Variants in EXOC6 observed in about 807,000 individuals in gnomAD.
EXOC6 encodes the protein exocyst complex component 6.
Under a neutral mutation model 112.5 loss-of-function variants are expected in EXOC6, and 60 were observed. The ratio of observed to expected loss-of-function variants is 0.53; its 90% CI spans 0.43 to 0.66. The LOEUF is 0.66. EXOC6 is among the 30% of genes least tolerant of loss of function. EXOC6 has a pLI of 0.00. For synonymous variants in EXOC6, 295 were observed against 308.0 expected (o/e 0.96, Z 0.44); for missense variants, 855 against 957.1 (o/e 0.89, Z 1.41).
At chr10:92,989,239 T>A (rs1287309177) in intron 18 of EXOC6, among the ~76,000 whole-genome samples, 1 of 152,198 alleles carries the variant, frequency 6.6e-6, no homozygotes, top group Non-Finnish European at 1.5e-5. Context: ...ATGGACAACA[T>A]GAAGGTCATT....
At chr10:92,947,599 A>G in intron 13 of EXOC6, among the ~76,000 whole-genome samples, 1 of 152,204 alleles carries the variant, frequency 6.6e-6, no homozygotes, top group Non-Finnish European at 1.5e-5. Context: ...ACAGCTTGAG[A>G]ATTATTCCTA....
chr10:92,886,586 T>A (rs1469698441), intron 1 of EXOC6, among the ~76,000 whole-genome samples: 4 of 152,240 alleles, frequency 2.6e-5, no homozygotes. Flanking sequence ...ATATAGTAGT[T>A]CAGAGCACTG....
At chr10:93,018,252 T>C (rs1844632298) in intron 20 of EXOC6, among the ~76,000 whole-genome samples, 4 of 152,118 alleles carry the variant, frequency 2.6e-5, no homozygotes, top group Admixed American at 2.6e-4. Flanking sequence ...GGATATTAGA[T>C]ATTTGGTATT....
At chr10:92,902,429 A>G (rs768069617) in intron 5 of EXOC6, among the ~76,000 whole-genome samples, 22 of 150,990 alleles carry the variant, frequency 1.5e-4, no homozygotes, top group Non-Finnish European at 2.7e-4. Flanking sequence ...TCTTTTTTCT[A>G]TGAGATTATT....
At chr10:92,960,427 A>C (rs1477542631) in intron 17 of EXOC6, among the ~76,000 whole-genome samples, 2 of 152,126 alleles carry the variant, frequency 1.3e-5, no homozygotes, top group Non-Finnish European at 2.9e-5. Flanking sequence ...AAAGTATGTA[A>C]TTGTGTATAC....
At chr10:92,863,992 G>T (rs776178515) in intron 1 of EXOC6, among the ~76,000 whole-genome samples, 4 of 150,860 alleles carry the variant, frequency 2.7e-5, no homozygotes, top group Non-Finnish European at 5.9e-5. Flanking sequence ...GGTGGTGCTG[G>T]TTATCTATTT....
At chr10:92,986,991 G>A (rs1843035870) in intron 18 of EXOC6, among the ~76,000 whole-genome samples, 1 of 152,054 alleles carries the variant, frequency 6.6e-6, no homozygotes, top group South Asian at 2.1e-4. Flanking sequence ...AATTTAGTGT[G>A]CCGTCTTTCC....
intron 19 of EXOC6, among the ~76,000 whole-genome samples, chr10:93,012,871 A>G (rs185087089): frequency 2.0e-4 from 31 of 152,182 alleles, no homozygotes; most frequent in Admixed American, 1.2e-3. Flanking sequence ...TCTCTACCAA[A>G]AAAACCCCCA....
At chr10:92,950,647 A>G (rs1479941086) in intron 14 of EXOC6, among the ~76,000 whole-genome samples, 1 of 152,222 alleles carries the variant, frequency 6.6e-6, no homozygotes, top group African/African-American at 2.4e-5. Flanking sequence ...ATGAAGTACA[A>G]GAGATGAAGC....
At chr10:92,847,835 CTTTT>C (rs3078184), upstream of EXOC6, among the ~76,000 whole-genome samples, 55 of 93,664 alleles carry the variant, frequency 5.9e-4, no homozygotes, top group African/African-American at 1.6e-3. Flanking sequence ...CGCCCTGGGC[CTTTT>C]TTTTTTTTTT....
At chr10:92,995,306 T>G (rs1843439819) in intron 18 of EXOC6, among the ~76,000 whole-genome samples, 1 of 152,196 alleles carries the variant, frequency 6.6e-6, no homozygotes, top group Non-Finnish European at 1.5e-5. Context: ...GCTCCAGTGC[T>G]ATTGCTATGT....
chr10:92,882,989 T>C lies in EXOC6; in HGVS notation c.102-10360T>C, dbSNP rs77576178. On this transcript the variant is annotated intron_variant, in intron 1 of 21. Coordinates refer to ENST00000260762, the MANE Select transcript of EXOC6 (RefSeq NM_019053.6). ...GATCCATACGAGAGGCACAGAAAAC[T>C]GCTGATAACTTTATCTGGGCAATGT... Among the ~76,000 whole-genome samples the C allele has an allele frequency of 2.2e-3, 340 of 152,330 alleles. 1 individual carries two copies. Among genetic ancestry groups the C allele is most frequent in the African/African-American group, 7.5e-3 (313 of 41,572 alleles).
intron 1 of EXOC6, among the ~76,000 whole-genome samples, chr10:92,851,628 C>T (rs1038200061): frequency 1.3e-5 from 2 of 151,120 alleles, no homozygotes; most frequent in African/African-American, 2.4e-5. Flanking sequence ...CTAGCCTGAG[C>T]GACGGAGCGA....
chr10:92,846,603 C>G (rs1220343357), upstream of EXOC6, among the ~76,000 whole-genome samples: 1 of 152,132 alleles, frequency 6.6e-6, no homozygotes, highest in Non-Finnish European at 1.5e-5. Flanking sequence ...GGTCTCTCTG[C>G]AGGAAATGGA....
At chr10:92,996,074 G>A (rs1439933356) in intron 18 of EXOC6, among the ~76,000 whole-genome samples, 1 of 152,048 alleles carries the variant, frequency 6.6e-6, no homozygotes, top group African/African-American at 2.4e-5. Flanking sequence ...TCACGATTTT[G>A]TAGCTTTCTG....
chr10:92,981,424 AT>A (rs1481178967), intron 18 of EXOC6, among the ~76,000 whole-genome samples: 1 of 152,174 alleles, frequency 6.6e-6, no homozygotes, highest in Non-Finnish European at 1.5e-5. Flanking sequence ...TAGTTTATTG[AT>A]TTACCGGCCA....
chr10:93,035,929 A>G (rs548369759), intron 20 of EXOC6, among the ~76,000 whole-genome samples: 3 of 152,076 alleles, frequency 2.0e-5, no homozygotes, highest in Non-Finnish European at 4.4e-5. Flanking sequence ...ACCTAAAAAG[A>G]AAGCTCTCAG....
intron 20 of EXOC6, among the ~76,000 whole-genome samples, chr10:93,051,919 T>A: frequency 6.6e-6 from 1 of 152,170 alleles, no homozygotes; most frequent in Non-Finnish European, 1.5e-5. Flanking sequence ...AAAGCAACTC[T>A]GAGGTCCCAG....
chr10:92,975,294 C>T (rs1253619901), intron 18 of EXOC6, among the ~76,000 whole-genome samples: 2 of 151,172 alleles, frequency 1.3e-5, no homozygotes, highest in Non-Finnish European at 1.5e-5. Context: ...TCTGCTCGGC[C>T]GCCCCGTCTG....
Sources: gnomAD v4.1 joint callset for allele counts (sites outside exome capture counted in the v4.1 genomes callset) on GRCh38, gnomAD v4.1.1 for gene constraint, MANE v1.5 for transcripts, NCBI Gene and HGNC (gene_info 2026-07-23, HGNC 2026-07-21) for gene names.